The following EXOC6 variants were observed in gnomAD, a reference collection of about 807,000 sequenced individuals.
EXOC6 encodes SEC15-like 1.
In EXOC6, 60 loss-of-function variants were observed where a neutral mutation model predicts 112.5. That is an observed-to-expected ratio of 0.53 (90% CI 0.43 to 0.66). The LOEUF (loss-of-function observed/expected upper bound fraction) is 0.66. Ranked by LOEUF, EXOC6 falls within the 30% of genes least tolerant of loss-of-function variation. The pLI, the probability that EXOC6 is intolerant of heterozygous loss-of-function variation, is 0.00. For missense variants in EXOC6, 855 were observed against 957.1 expected, an observed-to-expected ratio of 0.89 and a Z score of 1.41; for synonymous variants, 295 against 308.0, an observed-to-expected ratio of 0.96 and a Z score of 0.44.
chr10:92,972,862 CT>C (rs1260098720), intron 17 of EXOC6, among the ~76,000 whole-genome samples: 1 of 152,196 alleles, frequency 6.6e-6, no homozygotes, highest in African/African-American at 2.4e-5. Flanking sequence ...TTGGAGCCTT[CT>C]TAGGTCTTTC....
chr10:92,915,907 A>G lies in EXOC6; in HGVS notation c.813A>G (p.Glu271=). Residue 271 remains glutamate, a synonymous_variant, in exon 7 of 22, where the codon GAA becomes GAG. Coordinates refer to ENST00000260762, the MANE Select transcript of EXOC6 (RefSeq NM_019053.6). The stretch of plus-strand genomic sequence containing the variant: ...CACTTGAAGAAGAGGATGAGAATGA[A>G]GAAGAGGTGATAGGTGTCTTTCTTT... ...KHSLEEEDEN[E]EEILTVQDLV... The G allele has an allele frequency of 6.5e-7, 1 of 1,532,698 alleles. No individual in the cohort carries two copies. Among genetic ancestry groups the G allele is most frequent in the South Asian group, 1.3e-5 (1 of 76,148 alleles). The allele number at this position is 1,532,698 out of a possible 1,614,324, so 94.9% of individuals were successfully genotyped here.
intron 8 of EXOC6, among the ~76,000 whole-genome samples, chr10:92,924,252 AAAC>A (rs1387799163): frequency 6.6e-6 from 1 of 152,202 alleles, no homozygotes; most frequent in African/African-American, 2.4e-5. Context: ...GTTTAAATGT[AAAC>A]AATGATTTTG....
chr10:92,894,477 C>T (rs1223378583), intron 2 of EXOC6, among the ~76,000 whole-genome samples: 2 of 152,090 alleles, frequency 1.3e-5, no homozygotes, highest in Admixed American at 6.6e-5. Flanking sequence ...TTGAAGTTAT[C>T]AAAAGGGGAC....
intron 18 of EXOC6, among the ~76,000 whole-genome samples, chr10:92,986,247 A>G (rs930590544): frequency 2.0e-5 from 3 of 152,188 alleles, no homozygotes; most frequent in African/African-American, 7.2e-5. Flanking sequence ...CTCCTAAGAC[A>G]TCTTTATATA....
At chr10:92,961,853 A>G (rs1235643628) in intron 17 of EXOC6, among the ~76,000 whole-genome samples, 2 of 152,184 alleles carry the variant, frequency 1.3e-5, no homozygotes, top group Non-Finnish European at 2.9e-5. Flanking sequence ...CCTGATGACA[A>G]ACAACCACTT....
chr10:93,009,874 G>A (rs1372790368), intron 19 of EXOC6, among the ~76,000 whole-genome samples: 1 of 152,160 alleles, frequency 6.6e-6, no homozygotes, highest in African/African-American at 2.4e-5. Context: ...AAGATGATGG[G>A]GAACTATTGA....
chr10:92,863,280 C>T (rs1164482999), intron 1 of EXOC6, among the ~76,000 whole-genome samples: 2 of 152,172 alleles, frequency 1.3e-5, no homozygotes, highest in East Asian at 3.8e-4. Context: ...TGTGTTAGTA[C>T]ATTTTTTACC....
At chr10:93,017,769 T>G (rs1401458817) in intron 20 of EXOC6, among the ~76,000 whole-genome samples, 1 of 151,738 alleles carries the variant, frequency 6.6e-6, no homozygotes, top group African/African-American at 2.4e-5. Context: ...CCCAGCACTT[T>G]GGGAGGCTGA....
At chr10:92,862,729 A>G (rs1015590780) in intron 1 of EXOC6, among the ~76,000 whole-genome samples, 1 of 152,246 alleles carries the variant, frequency 6.6e-6, no homozygotes, top group African/African-American at 2.4e-5. Context: ...TTATGGCTGA[A>G]TAATTCTCAT....
At chr10:93,040,513 C>G (rs1338147078) in intron 20 of EXOC6, among the ~76,000 whole-genome samples, 1 of 152,252 alleles carries the variant, frequency 6.6e-6, no homozygotes, top group African/African-American at 2.4e-5. Context: ...TCCCAAAGTG[C>G]TGGGATTACA....
intron 18 of EXOC6, among the ~76,000 whole-genome samples, chr10:92,975,983 C>T (rs1441647589): frequency 6.9e-6 from 1 of 145,378 alleles, no homozygotes; most frequent in African/African-American, 2.5e-5. Flanking sequence ...CTCTGCCCAG[C>T]CGCCCCTACT....
chr10:93,041,758 C>T (rs1430790975), intron 20 of EXOC6, among the ~76,000 whole-genome samples: 1 of 152,032 alleles, frequency 6.6e-6, no homozygotes, highest in African/African-American at 2.4e-5. Context: ...ATCTCCCAGG[C>T]TGGAGTGCAC....
chr10:92,971,060 C>CT (rs1332445073), intron 17 of EXOC6, among the ~76,000 whole-genome samples: 8 of 151,254 alleles, frequency 5.3e-5, no homozygotes, highest in African/African-American at 1.2e-4. Context: ...GATTTTTTTT[C>CT]TTTTTTTTTG....
At chr10:92,938,736 C>T (rs1326673446) in intron 12 of EXOC6, among the ~76,000 whole-genome samples, 4 of 152,032 alleles carry the variant, frequency 2.6e-5, no homozygotes, top group Non-Finnish European at 5.9e-5. Context: ...ACAGTAGGGA[C>T]GTAAAAGTCC....
At chr10:93,028,144 T>A (rs919582351) in intron 20 of EXOC6, among the ~76,000 whole-genome samples, 11 of 151,942 alleles carry the variant, frequency 7.2e-5, no homozygotes, top group South Asian at 2.1e-4. Flanking sequence ...TTATTTTTTT[T>A]AAAACTAGCC....
At chr10:92,996,905 C>CA (rs1309918912) in intron 18 of EXOC6, among the ~76,000 whole-genome samples, 6 of 152,146 alleles carry the variant, frequency 3.9e-5, no homozygotes, top group Middle Eastern at 3.4e-3. Context: ...TATTGGTAGA[C>CA]AAACCTTTTT....
At chr10:92,963,483 A>G (rs1160102199) in intron 17 of EXOC6, among the ~76,000 whole-genome samples, 1 of 151,896 alleles carries the variant, frequency 6.6e-6, no homozygotes, top group African/African-American at 2.4e-5. Context: ...GATATTATTA[A>G]TCTCTGGCTT....
Position 92,940,820 on chromosome 10 carries a change from T to A in EXOC6, c.1306T>A (p.Phe436Ile), listed in dbSNP as rs902141214. Residue 436 changes from phenylalanine to isoleucine, a missense_variant, in exon 13 of 22, where the codon TTC (phenylalanine) becomes ATC (isoleucine). Transcript: ENST00000260762. The part of the protein sequence containing the change: ...ETLLKKWAGV[F>I]RDIFEEDNYS... ...ACTGCTTAAGAAATGGGCTGGAGTTTTCAGGTTAGTCTAAGTCATGGTGCC... is the reference window on the plus strand; with the variant it reads ...ACTGCTTAAGAAATGGGCTGGAGTTATCAGGTTAGTCTAAGTCATGGTGCC... 1.2e-6 allele frequency: 2 copies of A among 1,602,658 alleles called. No individual in the cohort carries two copies. The highest frequency in any genetic ancestry group is 2.7e-5 in the African/African-American group (2 of 74,414).
chr10:93,020,414 T>TAATAAA (rs1844733143), intron 20 of EXOC6, among the ~76,000 whole-genome samples: 1 of 152,014 alleles, frequency 6.6e-6, no homozygotes, highest in Admixed American at 6.6e-5. Flanking sequence ...ATAATAATAA[T>TAATAAA]AAATGTGTCA....
Sources: gnomAD v4.1 joint callset for allele counts (sites outside exome capture counted in the v4.1 genomes callset) on GRCh38, gnomAD v4.1.1 for gene constraint, MANE v1.5 for transcripts, NCBI Gene and HGNC (gene_info 2026-07-23, HGNC 2026-07-21) for gene names.